Variants in C14orf39 observed in about 807,000 individuals in gnomAD.
C14orf39 encodes the protein protein SIX6OS1.
Under a neutral mutation model 85.6 loss-of-function variants are expected in C14orf39, and 66 were observed. The observed-to-expected ratio is 0.77, with a 90% CI of 0.63 to 0.95. The LOEUF is 0.95. Among genes scored for constraint, C14orf39 ranks in the 40% least tolerant of loss-of-function variants. The pLI, the probability that C14orf39 is intolerant of heterozygous loss-of-function variation, is 0.00. For synonymous variants in C14orf39, 242 were observed against 214.0 expected, an observed-to-expected ratio of 1.13 and a Z score of -1.14; for missense variants, 735 against 663.9, an observed-to-expected ratio of 1.11 and a Z score of -1.18.
chr14:60,468,349 G>T, intron 9 of C14orf39, 96 bp downstream of exon 9: 1 of 606,178 alleles, frequency 1.6e-6, no homozygotes, highest in South Asian at 3.5e-5. Flanking sequence ...TACAGATACT[G>T]TGTAAATATT....
In C14orf39 at chr14:60,509,767, C is replaced by T. The variant is rs747003051; in HGVS notation, c.-144+5628G>A. The T allele has an allele frequency of 2.5e-6, 4 of 1,613,258 alleles. No individual in the cohort carries two copies. The Admixed American group carries it at 6.7e-5, about 27-fold the overall frequency. On this transcript the variant is annotated intron_variant, in intron 1 of 5. Transcript: ENST00000556799. ...TAAGGAAGAAGTTCCCGCTGCCGCG[C>T]ACCATTTGGGACGGCGAACAGAAGA...
In C14orf39 at chr14:60,477,564, G is replaced by A. The variant is rs376011348; in HGVS notation, c.323+736C>T. ...AATAAAATAAATTCATACAATTATT[G>A]GTGTTTCTCTATTAGAATATAACCA... On this transcript the variant is annotated intron_variant, in intron 5 of 17. Transcript: ENST00000321731. 1.1e-4 allele frequency among the ~76,000 whole-genome samples: 16 copies of A among 152,020 alleles called. No homozygotes were observed. In the South Asian group the frequency reaches 3.3e-3, roughly 32 times the overall value.
At position 60,484,587 on chromosome 14, in the gene C14orf39, A is replaced by G. The variant is rs1244324755; in HGVS notation, c.106+294T>C. Among the ~76,000 whole-genome samples the G allele has an allele frequency of 6.6e-6, 1 of 152,222 alleles. No homozygotes were observed. Among genetic ancestry groups the G allele is most frequent in the Non-Finnish European group, 1.5e-5 (1 of 68,040 alleles). On this transcript the variant is annotated intron_variant, in intron 3 of 17. Coordinates refer to ENST00000321731, the MANE Select transcript of C14orf39 (RefSeq NM_174978.3). This position sits in a 1 kb window ranked among gnomAD's most constrained non-coding sequence, Gnocchi z 4.2. Reference sequence around the variant, plus strand: ...AAAAAATTTCACTCAACTATTTGAAATAACTTGTTATTAGAGAAAAATAAC... The same window carrying G: ...AAAAAATTTCACTCAACTATTTGAAGTAACTTGTTATTAGAGAAAAATAAC...
chr14:60,468,792 CAAAGT>C, intron 8 of C14orf39, among the ~76,000 whole-genome samples: 1 of 151,472 alleles, frequency 6.6e-6, no homozygotes, highest in South Asian at 2.1e-4. Flanking sequence ...TAATTATAAG[CAAAGT>C]AGACATTGAT....
At chr14:60,507,816 C>G (rs758051637) in intron 1 of C14orf39, among the ~76,000 whole-genome samples, 2 of 152,170 alleles carry the variant, frequency 1.3e-5, no homozygotes, top group African/African-American at 2.4e-5. Context: ...ACGTTCTCAC[C>G]TGATTTCTGT....
chr14:60,507,498 T>C (rs1369645399), intron 1 of C14orf39, among the ~76,000 whole-genome samples: 1 of 152,214 alleles, frequency 6.6e-6, no homozygotes, highest in African/African-American at 2.4e-5. Flanking sequence ...AATGAACTCT[T>C]AGAAAAGAAA....
chr14:60,444,338 C>T (rs186228744), intron 16 of C14orf39, among the ~76,000 whole-genome samples: 199 of 151,936 alleles, frequency 1.3e-3, no homozygotes, highest in Non-Finnish European at 1.2e-3. Flanking sequence ...GAATAAACAG[C>T]GTAGAGAAGA....
chr14:60,456,880 C>T, intron 15 of C14orf39, 37 bp downstream of exon 15: 1 of 1,476,254 alleles, frequency 6.8e-7, no homozygotes, highest in Non-Finnish European at 9.1e-7. Flanking sequence ...ATTCAACATA[C>T]AAATAATTTA....
Position 60,483,763 on chromosome 14 carries a change from G to A in C14orf39, c.161C>T (p.Thr54Ile). ...AATTTCCTCATCTGTTGCATTTATA[G>A]TTTCGTGTATCCTACAAATAGTTAC... ...NKVTICRIHE[T>I]INATDEEIDH... Residue 54 changes from threonine (T) to isoleucine (I), a missense_variant, in exon 4 of 18, where the codon ACT (threonine) becomes ATT (isoleucine). Physicochemically the swap from Thr to Ile is moderately conservative, Grantham distance 89. Coordinates refer to ENST00000321731, the MANE Select transcript of C14orf39 (RefSeq NM_174978.3). The A allele has an allele frequency of 6.4e-7, 1 of 1,572,458 alleles. No individual in the cohort carries two copies. The highest frequency in any genetic ancestry group is 8.7e-7 in the Non-Finnish European group (1 of 1,145,266).
At chr14:60,462,416 TC>T (rs1418482080) in intron 11 of C14orf39, among the ~76,000 whole-genome samples, 1 of 152,144 alleles carries the variant, frequency 6.6e-6, no homozygotes, top group African/African-American at 2.4e-5. Flanking sequence ...AATATCAATA[TC>T]TAAACCATTA....
chr14:60,474,549 G>A (rs1046010093), intron 5 of C14orf39, among the ~76,000 whole-genome samples: 2 of 151,356 alleles, frequency 1.3e-5, no homozygotes, highest in Non-Finnish European at 2.9e-5. Context: ...GTCATAAATA[G>A]CTCTTATTAT....
chr14:60,496,045 G>T, intron 2 of C14orf39: 2 of 756,288 alleles, frequency 2.6e-6, no homozygotes, highest in South Asian at 1.4e-5. Context: ...GCATGAGGTA[G>T]CTTGGCTTGT....
At chr14:60,487,086 A>T (rs962429085), upstream of C14orf39, among the ~76,000 whole-genome samples, 20 of 152,218 alleles carry the variant, frequency 1.3e-4, no homozygotes, top group African/African-American at 4.6e-4. Context: ...TGTATAACAC[A>T]TCCATCACCT....
At chr14:60,446,841 T>C (rs533514153) in intron 16 of C14orf39, among the ~76,000 whole-genome samples, 153 of 152,106 alleles carry the variant, frequency 1.0e-3, no homozygotes, top group African/African-American at 3.3e-3. Context: ...CATCAAAAAG[T>C]TTATCCACCA....
At chr14:60,456,132 T>C (rs1165467067) in intron 15 of C14orf39, among the ~76,000 whole-genome samples, 1 of 152,028 alleles carries the variant, frequency 6.6e-6, no homozygotes, top group Non-Finnish European at 1.5e-5. Context: ...AAAACAACCC[T>C]GATGCAGTGA....
intron 1 of C14orf39, among the ~76,000 whole-genome samples, chr14:60,505,624 TCAG>T (rs1242293346): frequency 1.3e-5 from 2 of 152,176 alleles, no homozygotes. Context: ...TCTGTGACTC[TCAG>T]ATGCAGCACA....
intron 1 of C14orf39, among the ~76,000 whole-genome samples, chr14:60,507,950 C>G (rs1014260335): frequency 6.6e-6 from 1 of 152,104 alleles, no homozygotes; most frequent in African/African-American, 2.4e-5. Context: ...GTTTCTTTGA[C>G]CCAGGCCTCA....
At chr14:60,486,315 G>C (rs1275960474), upstream of C14orf39, among the ~76,000 whole-genome samples, 3 of 152,212 alleles carry the variant, frequency 2.0e-5, no homozygotes, top group African/African-American at 4.8e-5. Flanking sequence ...TTGAAGACAA[G>C]TGTTTTTTAA....
intron 16 of C14orf39, among the ~76,000 whole-genome samples, chr14:60,454,323 C>G (rs1891168096): frequency 6.6e-6 from 1 of 151,830 alleles, no homozygotes; most frequent in Non-Finnish European, 1.5e-5. Context: ...GTGGTTGGTA[C>G]TTTTCTAAGT....
Sources: allele counts gnomAD v4.1 joint callset (sites outside exome capture counted in the v4.1 genomes callset), GRCh38; gene constraint gnomAD v4.1.1; non-coding constraint Gnocchi (gnomAD v3.1); transcripts MANE v1.5; gene names NCBI Gene and HGNC (gene_info 2026-07-23, HGNC 2026-07-21).